The following NRXN3 variants were observed in gnomAD, a reference collection of about 807,000 sequenced individuals.
NRXN3 encodes neurexin III.
A neutral mutation model predicts 137.6 loss-of-function variants in NRXN3; 32 were observed. That is an observed-to-expected ratio of 0.23 (90% CI 0.18 to 0.31). NRXN3 has a LOEUF of 0.31. Ranked by LOEUF, NRXN3 falls within the 10% of genes least tolerant of loss-of-function variation. The probability of loss-of-function intolerance (pLI) is 1.00; values close to 1 mark genes in which losing one functional copy is unlikely to be tolerated. For synonymous variants in NRXN3, 798 were observed against 784.5 expected, an observed-to-expected ratio of 1.02 and a Z score of -0.29; for missense variants, 1,574 against 2,062.5, an observed-to-expected ratio of 0.76 and a Z score of 4.59.
At chr14:79,428,823 A>G (rs759145410) in intron 15 of NRXN3, among the ~76,000 whole-genome samples, 2 of 152,242 alleles carry the variant, frequency 1.3e-5, no homozygotes, top group Non-Finnish European at 2.9e-5. Flanking sequence ...CAGATTCTAT[A>G]AAATCCTGTA....
chr14:78,992,413 G>C (rs577860061), intron 15 of NRXN3, among the ~76,000 whole-genome samples: 26 of 152,226 alleles, frequency 1.7e-4, no homozygotes, highest in African/African-American at 5.3e-4. Context: ...CAAAAGAAAT[G>C]GAACCTTACA....
At chr14:79,797,091 G>C (rs999909632) in intron 19 of NRXN3, among the ~76,000 whole-genome samples, 7 of 152,186 alleles carry the variant, frequency 4.6e-5, no homozygotes, top group Non-Finnish European at 7.3e-5. Context: ...ATTAGTGAGT[G>C]AATGAGTCAA....
intron 15 of NRXN3, among the ~76,000 whole-genome samples, chr14:79,107,935 A>G (rs1456246371): frequency 6.6e-6 from 1 of 152,182 alleles, no homozygotes; most frequent in Non-Finnish European, 1.5e-5. Context: ...GACCAATATA[A>G]ATGTGCCAAA....
intron 6 of NRXN3, among the ~76,000 whole-genome samples, chr14:78,696,161 AGT>A (rs1028178207): frequency 1.3e-5 from 2 of 152,166 alleles, no homozygotes; most frequent in African/African-American, 4.8e-5. Flanking sequence ...GAATCTTAAA[AGT>A]GTGATCTTGA....
At chr14:79,082,478 C>T (rs2047246466) in intron 15 of NRXN3, among the ~76,000 whole-genome samples, 1 of 151,558 alleles carries the variant, frequency 6.6e-6, no homozygotes, top group Non-Finnish European at 1.5e-5. Context: ...AAGGAGTTCT[C>T]AGAATCATAG....
At chr14:79,534,550 G>T (rs2097195353) in intron 16 of NRXN3, among the ~76,000 whole-genome samples, 1 of 152,032 alleles carries the variant, frequency 6.6e-6, no homozygotes. Flanking sequence ...GTTTGTGTTA[G>T]CCCTTTAAAA....
rs55815632 is a variant in NRXN3, at chr14:79,818,046, G to GTTT, written c.4093+12881_4093+12883dup. Among the ~76,000 whole-genome samples the GTTT allele has an allele frequency of 1.6e-3, 142 of 90,324 alleles. 5 individuals carry two copies. The highest frequency in any genetic ancestry group is 1.9e-3 in the Non-Finnish European group (88 of 46,596). The allele number at this position is 90,324 out of a possible 152,430, so 59.3% of individuals were successfully genotyped here. A position where few individuals can be genotyped will look rare whatever the true frequency, so the allele number is the denominator to read the frequency against. On this transcript the variant is annotated intron_variant, in intron 20 of 20. Transcript: ENST00000335750. Reference sequence around the variant, plus strand: ...CCTATGCAATAATATGTGCACTTGGGTTTTTTTTTTTTTTTTTTTTTTTTT... The same window carrying GTTT: ...CCTATGCAATAATATGTGCACTTGGGTTTTTTTTTTTTTTTTTTTTTTTTTTTT...
At chr14:78,875,394 G>T (rs945730479) in intron 10 of NRXN3, among the ~76,000 whole-genome samples, 5 of 152,268 alleles carry the variant, frequency 3.3e-5, no homozygotes, top group African/African-American at 1.2e-4. Context: ...ATAGGATAAA[G>T]TGGCCTTTGG....
intron 6 of NRXN3, among the ~76,000 whole-genome samples, chr14:78,696,908 T>A (rs1386146299): frequency 6.6e-6 from 1 of 152,056 alleles, no homozygotes; most frequent in Non-Finnish European, 1.5e-5. Context: ...ATCACCCACA[T>A]TCATCCCAAG....
intron 16 of NRXN3, among the ~76,000 whole-genome samples, chr14:79,591,743 A>G (rs7153835): frequency 0.21 from 32,110 of 152,058 alleles, 4,236 homozygotes; most frequent in African/African-American, 0.36. Flanking sequence ...GGATTCAGTA[A>G]TAGTAGGGTT....
intron 19 of NRXN3, among the ~76,000 whole-genome samples, chr14:79,759,128 A>G (rs2099029917): frequency 6.6e-6 from 1 of 152,186 alleles, no homozygotes; most frequent in Non-Finnish European, 1.5e-5. Context: ...GAGGTTTGGC[A>G]AAACCATCTA....
intron 4 of NRXN3, among the ~76,000 whole-genome samples, chr14:78,585,734 G>A (rs2097055753): frequency 6.6e-6 from 1 of 152,146 alleles, no homozygotes; most frequent in African/African-American, 2.4e-5. Context: ...GCTGTTGTTT[G>A]CTAAGATGGG....
chr14:79,233,666 C>CTGTGTGTGTG (rs143246182), intron 15 of NRXN3, among the ~76,000 whole-genome samples: 367 of 145,068 alleles, frequency 2.5e-3, no homozygotes, highest in African/African-American at 9.0e-3. Flanking sequence ...AGTATAACTG[C>CTGTGTGTGTG]TGTGTGTGTG....
chr14:79,449,133 G>T (rs1014652830), intron 15 of NRXN3, among the ~76,000 whole-genome samples: 1 of 152,170 alleles, frequency 6.6e-6, no homozygotes, highest in Non-Finnish European at 1.5e-5. Flanking sequence ...GCAGGGAATT[G>T]CTCTGCATTC....
chr14:79,736,383 T>C (rs2154076198), intron 19 of NRXN3, among the ~76,000 whole-genome samples: 1 of 152,316 alleles, frequency 6.6e-6, no homozygotes, highest in Admixed American at 6.5e-5. Flanking sequence ...CAGGTATTTT[T>C]TGGAAACTGG....
chr14:78,773,399 T>C (rs1595724367), intron 8 of NRXN3, among the ~76,000 whole-genome samples: 1 of 152,196 alleles, frequency 6.6e-6, no homozygotes, highest in South Asian at 2.1e-4. Flanking sequence ...GCATGGAGTG[T>C]CAGCCAGGCT....
intron 15 of NRXN3, among the ~76,000 whole-genome samples, chr14:78,994,288 G>A (rs1406794500): frequency 2.0e-5 from 3 of 152,050 alleles, no homozygotes; most frequent in East Asian, 3.9e-4. Context: ...GTTTCCTTCC[G>A]GTCTTCATTT....
At chr14:79,016,848 A>C (rs2099580120) in intron 15 of NRXN3, among the ~76,000 whole-genome samples, 1 of 152,172 alleles carries the variant, frequency 6.6e-6, no homozygotes, top group African/African-American at 2.4e-5. Flanking sequence ...GAATACTGTC[A>C]ACAACAGTAA....
At chr14:79,647,827 T>C (rs1255921437) in intron 16 of NRXN3, among the ~76,000 whole-genome samples, 1 of 135,530 alleles carries the variant, frequency 7.4e-6, no homozygotes, top group African/African-American at 2.5e-5. Context: ...TGTTGTTTTA[T>C]CCTCATGACA....
Sources: allele counts gnomAD v4.1 joint callset (sites outside exome capture counted in the v4.1 genomes callset), GRCh38; gene constraint gnomAD v4.1.1; transcripts MANE v1.5; gene names NCBI Gene and HGNC (gene_info 2026-07-23, HGNC 2026-07-21).